The following ARHGEF7 variants were observed in gnomAD, a reference collection of about 807,000 sequenced individuals.
The protein encoded by ARHGEF7 is Rho guanine nucleotide exchange factor 7.
A neutral mutation model predicts 109.8 loss-of-function variants in ARHGEF7; 33 were observed. The observed-to-expected ratio is 0.30, with a 90% CI of 0.23 to 0.40. The LOEUF (loss-of-function observed/expected upper bound fraction) is 0.40, where lower values mean the gene tolerates loss of function less well. Among genes scored for constraint, ARHGEF7 ranks in the 10% least tolerant of loss-of-function variants. The pLI is 1.00. For missense variants in ARHGEF7, 938 were observed against 1,098.5 expected (o/e 0.85, Z 2.07); for synonymous variants, 458 against 424.6 (o/e 1.08, Z -0.97).
At chr13:111,121,971 G>GA (rs2067229333) in intron 1 of ARHGEF7, among the ~76,000 whole-genome samples, 1 of 152,226 alleles carries the variant, frequency 6.6e-6, no homozygotes, top group Non-Finnish European at 1.5e-5. Flanking sequence ...GATTGACACT[G>GA]AAAACCTTCC....
intron 1 of ARHGEF7, among the ~76,000 whole-genome samples, chr13:111,142,611 T>C (rs76227430): frequency 0.013 from 2,051 of 152,348 alleles, 30 homozygotes; most frequent in African/African-American, 0.042. Context: ...ACAAGTGTCC[T>C]TGGCCAATGC....
intron 20 of ARHGEF7, 105 bp downstream of exon 20, chr13:111,300,952 C>CTT (rs879157413): frequency 4.5e-3 from 2,164 of 479,350 alleles, no homozygotes; most frequent in East Asian, 5.7e-3. Context: ...AGAAGCTTCA[C>CTT]TTTTTTTTTT....
In ARHGEF7 at chr13:111,301,547, A is replaced by G. The variant is rs771899282; in HGVS notation, c.2466+15A>G. 2.5e-6 allele frequency: 4 copies of G among 1,581,800 alleles called. No individual in the cohort carries two copies. Among genetic ancestry groups the G allele is most frequent in the South Asian group, 2.3e-5 (2 of 88,144 alleles). ...AATTAAGACAGGTACGTCATAATCC[A>G]TCTTTAAATCTTTTTTTTCTTTTCA... On this transcript the variant is annotated intron_variant, in intron 21 of 21. Transcript: ENST00000646102.
chr13:111,186,804 G>A (rs1194587129), intron 2 of ARHGEF7: 1 of 985,438 alleles, frequency 1.0e-6, no homozygotes, highest in Non-Finnish European at 1.2e-6. Flanking sequence ...AGTGAGCCCA[G>A]AAAGTGTGCG....
intron 2 of ARHGEF7, among the ~76,000 whole-genome samples, chr13:111,175,570 G>A (rs890015936): frequency 9.2e-5 from 14 of 152,192 alleles, no homozygotes; most frequent in African/African-American, 3.1e-4. Context: ...GCTTTTGGGG[G>A]AAGGACTGGA....
intron 6 of ARHGEF7, among the ~76,000 whole-genome samples, chr13:111,238,213 C>T (rs755096771): frequency 1.1e-4 from 16 of 152,106 alleles, no homozygotes; most frequent in East Asian, 1.9e-4. Context: ...AAGATCCGGG[C>T]GGCTTGATGC....
At position 111,300,824 on chromosome 13, in the gene ARHGEF7, T is replaced by C; in HGVS notation, c.2388T>C (p.Asn796=). The C allele has an allele frequency of 2.5e-6, 4 of 1,607,702 alleles. No individual in the cohort carries two copies. Among genetic ancestry groups the C allele is most frequent in the Non-Finnish European group, 3.4e-6 (4 of 1,175,686 alleles). The part of the protein sequence containing the change: ...EKIIVEETKS[N]GQTVIEEKSL... ...TTATAGTGGAAGAAACTAAAAGTAA[T>C]GGTCAGACAGTGATAGAAGAAAAGT... Residue 796 remains asparagine (N), a synonymous_variant, in exon 20 of 22, where the codon AAT becomes AAC. Transcript: ENST00000646102.
In ARHGEF7 at chr13:111,228,474, G is replaced by A. The variant is rs896476056; in HGVS notation, c.671-4731G>A. Among the ~76,000 whole-genome samples, 6 of 152,282 alleles carry A rather than the reference G, an allele frequency of 3.9e-5. No homozygotes were observed. The highest frequency in any genetic ancestry group is 7.2e-5 in the African/African-American group (3 of 41,556). ...TTCCAGCAGAGAACACGGCGGGAGC[G>A]GATGAGGCAGGCTCGATGCTGAGGA... On this transcript the variant is annotated intron_variant, in intron 5 of 21. Transcript: ENST00000646102. The surrounding 1 kb of genome is among the most constrained non-coding windows in gnomAD (Gnocchi z 4.6).
At position 111,305,063 on chromosome 13, in the gene ARHGEF7, C is replaced by T. The variant is rs1448435096; in HGVS notation, c.*1950C>T. 1 of 152,202 alleles carries T rather than the reference C, an allele frequency of 6.6e-6. No homozygotes were observed. Among genetic ancestry groups the T allele is most frequent in the Non-Finnish European group, 1.5e-5 (1 of 68,050 alleles). 9.4% of individuals were successfully genotyped at this position (152,202 alleles called of 1,614,324 possible). ...GCCGGTAGCGTTGCTGTCCGAGTCC[C>T]CAGGACGGATCTCCTGCAGACCTGC... On this transcript the variant is annotated 3_prime_UTR_variant, in exon 22 of 22. Coordinates refer to ENST00000646102, the MANE Select transcript of ARHGEF7 (RefSeq NM_001354046.2).
chr13:111,142,380 C>G (rs1366818434), intron 1 of ARHGEF7, among the ~76,000 whole-genome samples: 1 of 828 alleles, frequency 1.2e-3, no homozygotes, highest in Admixed American at 0.011. Context: ...GTAATATGAA[C>G]CAAATGGAAG....
intron 2 of ARHGEF7, among the ~76,000 whole-genome samples, chr13:111,200,297 A>T (rs1385725079): frequency 3.9e-5 from 6 of 152,102 alleles, no homozygotes; most frequent in Non-Finnish European, 8.8e-5. Flanking sequence ...CAGTTGTGGT[A>T]CAAAGGAATG....
intron 6 of ARHGEF7, among the ~76,000 whole-genome samples, chr13:111,240,536 TTCCTCC>T (rs200010067): frequency 6.6e-6 from 1 of 152,104 alleles, no homozygotes; most frequent in Non-Finnish European, 1.5e-5. Flanking sequence ...TCAACACTCC[TTCCTCC>T]TCCTCCTCCT....
intron 1 of ARHGEF7, among the ~76,000 whole-genome samples, chr13:111,124,586 C>T (rs937966315): frequency 1.3e-4 from 20 of 152,218 alleles, no homozygotes; most frequent in African/African-American, 4.6e-4. Flanking sequence ...GGGGCTGGGG[C>T]CCCTAGGCCT....
At chr13:111,278,673 C>T (rs2092623126) in intron 13 of ARHGEF7, among the ~76,000 whole-genome samples, 1 of 152,202 alleles carries the variant, frequency 6.6e-6, no homozygotes, top group African/African-American at 2.4e-5. Context: ...GGATAGTGCC[C>T]ACTACAGTTT....
At chr13:111,301,137 C>T (rs1393524824) in intron 20 of ARHGEF7, among the ~76,000 whole-genome samples, 11 of 152,034 alleles carry the variant, frequency 7.2e-5, no homozygotes, top group East Asian at 1.9e-4. Context: ...TTAGTAGAAA[C>T]GAGTTTTCAC....
At chr13:111,142,448 C>T (rs2075390554) in intron 1 of ARHGEF7, among the ~76,000 whole-genome samples, 1 of 6,160 alleles carries the variant, frequency 1.6e-4, no homozygotes, top group South Asian at 4.1e-3. Context: ...TGCTACACAT[C>T]TTATTCACAA....
intron 1 of ARHGEF7, among the ~76,000 whole-genome samples, chr13:111,122,916 T>G (rs1158099032): frequency 6.6e-6 from 1 of 152,212 alleles, no homozygotes; most frequent in East Asian, 1.9e-4. Context: ...CACTGTAGTC[T>G]AAGCAAATGG....
intron 3 of ARHGEF7, among the ~76,000 whole-genome samples, chr13:111,207,659 G>C (rs1424080949): frequency 6.6e-6 from 1 of 152,172 alleles, no homozygotes; most frequent in Non-Finnish European, 1.5e-5. Flanking sequence ...TGCTGTAAGT[G>C]GGGGTGCTAA....
chr13:111,253,542 C>G (rs1216035940), intron 8 of ARHGEF7, among the ~76,000 whole-genome samples: 2 of 152,190 alleles, frequency 1.3e-5, no homozygotes, highest in Non-Finnish European at 2.9e-5. Flanking sequence ...AACTCTCCGT[C>G]TCTTTGTTTA....
Sources: allele counts gnomAD v4.1 joint callset (sites outside exome capture counted in the v4.1 genomes callset), GRCh38; gene constraint gnomAD v4.1.1; non-coding constraint Gnocchi (gnomAD v3.1); transcripts MANE v1.5; gene names NCBI Gene and HGNC (gene_info 2026-07-23, HGNC 2026-07-21).